The following ZSCAN25 variants were observed in gnomAD, a reference collection of about 807,000 sequenced individuals.
The protein encoded by ZSCAN25 is zinc finger and SCAN domain containing 25.
A neutral mutation model predicts 38.7 loss-of-function variants in ZSCAN25; 27 were observed. The ratio of observed to expected loss-of-function variants is 0.70; its 90% CI spans 0.51 to 0.96. The LOEUF (loss-of-function observed/expected upper bound fraction) is 0.96. ZSCAN25 is among the 40% of genes least tolerant of loss of function. The probability of loss-of-function intolerance (pLI) is 0.00; values close to 1 mark genes in which losing one functional copy is unlikely to be tolerated. For missense variants in ZSCAN25, 637 were observed against 705.9 expected (o/e 0.90, Z 1.11); for synonymous variants, 273 against 277.7 (o/e 0.98, Z 0.17).
In ZSCAN25 at chr7:99,629,813, C is replaced by T; in HGVS notation, c.1428C>T (p.His476=). The T allele has an allele frequency of 1.2e-6, 2 of 1,614,210 alleles. No homozygotes were observed. Among genetic ancestry groups the T allele is most frequent in the Middle Eastern group, 1.6e-4 (1 of 6,062 alleles). The change falls in exon 8 of 8, where the codon CAC becomes CAT. Residue 476 remains histidine, a synonymous_variant. Coordinates refer to ENST00000394152, the MANE Select transcript of ZSCAN25 (RefSeq NM_145115.3). This position sits in a 1 kb window ranked among gnomAD's most constrained non-coding sequence, Gnocchi z 5.6. ...SFSRNANLAV[H]RRAHTGEKPY... ...GCAGGAATGCCAATCTGGCGGTGCA[C>T]CGGCGTGCCCACACTGGCGAGAAGC...
rs1346945747 is a variant in ZSCAN25 at position 99,630,295 on chromosome 7, G to C, written c.*275G>C. The C allele has an allele frequency of 4.0e-6, 5 of 1,243,570 alleles. No individual in the cohort carries two copies. The highest frequency in any genetic ancestry group is 3.4e-5 in the East Asian group (1 of 29,638). The allele number at this position is 1,243,570 out of a possible 1,614,324, so 77.0% of individuals were successfully genotyped here. A position where few individuals can be genotyped will look rare whatever the true frequency, so the allele number is the denominator to read the frequency against. On this transcript the variant is annotated 3_prime_UTR_variant, in exon 8 of 8. Transcript: ENST00000394152. ...CTGAGATTTTCTCCTTCAGTGGACT[G>C]TCTGTGTCCCCCTGCCGAACAAAGC...
chr7:99,629,506 CTT>C lies in ZSCAN25; in HGVS notation c.1122_1123del (p.Tyr375TrpfsTer278). Reference sequence around the variant, plus strand: ...CACCAGCGAACCCACGAAGAGAAGTCTTATGGCTGTGTGGAGTGTGGGAAGGG... The same window carrying C: ...CACCAGCGAACCCACGAAGAGAAGTCATGGCTGTGTGGAGTGTGGGAAGGG... On this transcript the variant is annotated frameshift_variant, in exon 8 of 8. Coordinates refer to ENST00000394152, the MANE Select transcript of ZSCAN25 (RefSeq NM_145115.3). LOFTEE classifies it high-confidence loss of function. This position sits in a 1 kb window ranked among gnomAD's most constrained non-coding sequence, Gnocchi z 5.6. The C allele has an allele frequency of 6.2e-7, 1 of 1,614,246 alleles. No individual in the cohort carries two copies. Among genetic ancestry groups the C allele is most frequent in the Non-Finnish European group, 8.5e-7 (1 of 1,180,048 alleles).
the ZSCAN25 span, among the ~76,000 whole-genome samples, chr7:99,675,383 A>T: frequency 6.6e-6 from 1 of 152,156 alleles, no homozygotes; most frequent in African/African-American, 2.4e-5. Context: ...TACTGCTTTT[A>T]TCGAGGGTAA....
the ZSCAN25 span, chr7:99,714,412 A>C: frequency 1.5e-6 from 2 of 1,351,550 alleles, no homozygotes; most frequent in Non-Finnish European, 2.0e-6. Context: ...TTCCTACCAA[A>C]TGAATTATCT....
At chr7:99,634,454 G>C (rs1269289223), downstream of ZSCAN25, among the ~76,000 whole-genome samples, 4 of 150,990 alleles carry the variant, frequency 2.6e-5, no homozygotes, top group Non-Finnish European at 5.9e-5. Flanking sequence ...AGGAGTTCGA[G>C]ACCAGCCTGG....
chr7:99,696,614 A>G, the ZSCAN25 span, among the ~76,000 whole-genome samples: 8 of 152,194 alleles, frequency 5.3e-5, no homozygotes, highest in Non-Finnish European at 8.8e-5. Flanking sequence ...CAGTGTGCAG[A>G]AGATCCACAA....
At chr7:99,618,093 C>T (rs901236027) in intron 1 of ZSCAN25, 1 of 152,216 alleles carries the variant, frequency 6.6e-6, no homozygotes, top group Non-Finnish European at 1.5e-5. Context: ...GCTGCCCATT[C>T]TCTGCTCCAG....
chr7:99,686,880 G>C, the ZSCAN25 span, among the ~76,000 whole-genome samples: 1 of 152,234 alleles, frequency 6.6e-6, no homozygotes. Context: ...AGCCACTGCT[G>C]TTCTGCAGGC....
the ZSCAN25 span, among the ~76,000 whole-genome samples, chr7:99,734,475 C>T: frequency 6.6e-6 from 1 of 152,132 alleles, no homozygotes; most frequent in Non-Finnish European, 1.5e-5. Context: ...AATGCTGTCC[C>T]TAAACCCTTC....
At chr7:99,662,660 A>T in the ZSCAN25 span, among the ~76,000 whole-genome samples, 1 of 152,190 alleles carries the variant, frequency 6.6e-6, no homozygotes, top group African/African-American at 2.4e-5. The surrounding 1 kb of genome is among the most constrained non-coding windows in gnomAD (Gnocchi z 4.3). Flanking sequence ...GCTTCTGGAA[A>T]GTGCCTCCAG....
the ZSCAN25 span, among the ~76,000 whole-genome samples, chr7:99,680,475 A>G: frequency 6.6e-6 from 1 of 151,886 alleles, no homozygotes; most frequent in Non-Finnish European, 1.5e-5. Context: ...ACACAGTCCT[A>G]TTGTCCTCTT....
chr7:99,726,506 T>G, the ZSCAN25 span, among the ~76,000 whole-genome samples: 3 of 152,144 alleles, frequency 2.0e-5, no homozygotes, highest in Non-Finnish European at 4.4e-5. Flanking sequence ...ACTATTCCAT[T>G]CTTGATCTTA....
At chr7:99,687,453 G>A in the ZSCAN25 span, among the ~76,000 whole-genome samples, 92 of 152,290 alleles carry the variant, frequency 6.0e-4, 1 homozygote, top group Middle Eastern at 6.8e-3. Flanking sequence ...GAAATAAAGC[G>A]AGAAGGGAAG....
chr7:99,647,188 A>G, the ZSCAN25 span, among the ~76,000 whole-genome samples: 1 of 152,182 alleles, frequency 6.6e-6, no homozygotes, highest in Non-Finnish European at 1.5e-5. Flanking sequence ...CTGCTCTTGA[A>G]GGCCACACCT....
the ZSCAN25 span, among the ~76,000 whole-genome samples, chr7:99,683,645 G>A: frequency 6.6e-6 from 1 of 151,920 alleles, no homozygotes; most frequent in Non-Finnish European, 1.5e-5. Context: ...CTCACCTCAT[G>A]CCCTAAATAT....
chr7:99,685,141 C>T, the ZSCAN25 span: 5 of 1,590,804 alleles, frequency 3.1e-6, no homozygotes, highest in Admixed American at 1.7e-5. Context: ...TAGGGAAATT[C>T]AGGTTCCACT....
the ZSCAN25 span, among the ~76,000 whole-genome samples, chr7:99,678,537 A>T: frequency 2.0e-5 from 3 of 152,210 alleles, no homozygotes; most frequent in Non-Finnish European, 4.4e-5. Flanking sequence ...ACATTTGTGC[A>T]TTAGACTCAT....
At chr7:99,701,760 A>G in the ZSCAN25 span, among the ~76,000 whole-genome samples, 2 of 152,224 alleles carry the variant, frequency 1.3e-5, no homozygotes, top group Admixed American at 6.5e-5. Flanking sequence ...AAATGTCTGT[A>G]TAAATATTTT....
At chr7:99,735,892 G>A in the ZSCAN25 span, among the ~76,000 whole-genome samples, 26 of 152,226 alleles carry the variant, frequency 1.7e-4, no homozygotes, top group African/African-American at 5.3e-4. Flanking sequence ...GAGATTGCTG[G>A]GCCCCTGTGT....
Sources: gnomAD v4.1 joint callset for allele counts (sites outside exome capture counted in the v4.1 genomes callset) on GRCh38, gnomAD v4.1.1 for gene constraint, Gnocchi (gnomAD v3.1) non-coding constraint, MANE v1.5 for transcripts, NCBI Gene and HGNC (gene_info 2026-07-23, HGNC 2026-07-21) for gene names.